SEMA5A: variants seen among roughly 807,000 people sequenced by gnomAD.
SEMA5A encodes the protein semaphorin 5A, also known as semaphorin-5A.
A neutral mutation model predicts 135.5 loss-of-function variants in SEMA5A; 55 were observed. The observed-to-expected ratio is 0.41, with a 90% CI of 0.33 to 0.51. SEMA5A has a LOEUF of 0.51. SEMA5A is among the 20% of genes least tolerant of loss of function. The pLI, the probability that SEMA5A is intolerant of heterozygous loss-of-function variation, is 0.37. For missense variants in SEMA5A, 1,290 were observed against 1,419.9 expected (o/e 0.91, Z 1.47); for synonymous variants, 580 against 546.5 (o/e 1.06, Z -0.85).
At chr5:9,311,486 C>T (rs894871211) in intron 5 of SEMA5A, among the ~76,000 whole-genome samples, 1 of 150,716 alleles carries the variant, frequency 6.6e-6, no homozygotes, top group African/African-American at 2.4e-5. Context: ...AGTAAACTAT[C>T]GCAAGGACAA....
chr5:9,228,192 T>G (rs1275024815), intron 6 of SEMA5A, among the ~76,000 whole-genome samples: 1 of 152,132 alleles, frequency 6.6e-6, no homozygotes, highest in African/African-American at 2.4e-5. Context: ...CACAGAGGAA[T>G]AGCATATTAC....
chr5:9,247,304 C>G (rs1435656286), intron 5 of SEMA5A, among the ~76,000 whole-genome samples: 1 of 152,120 alleles, frequency 6.6e-6, no homozygotes, highest in Non-Finnish European at 1.5e-5. Flanking sequence ...ATTGTGTATT[C>G]TGGCCAAATC....
chr5:9,368,867 T>C (rs1755020747), intron 3 of SEMA5A, among the ~76,000 whole-genome samples: 1 of 152,258 alleles, frequency 6.6e-6, no homozygotes, highest in South Asian at 2.1e-4. Context: ...TACAAATCTT[T>C]CTGTAGACAT....
intron 1 of SEMA5A, among the ~76,000 whole-genome samples, chr5:9,514,536 T>C (rs552690284): frequency 5.2e-4 from 79 of 152,216 alleles, no homozygotes; most frequent in Non-Finnish European, 8.7e-4. Flanking sequence ...TGTAATAGTG[T>C]AGCATTTCCA....
intron 16 of SEMA5A, among the ~76,000 whole-genome samples, chr5:9,106,220 T>C (rs971631907): frequency 2.0e-5 from 3 of 152,238 alleles, no homozygotes; most frequent in African/African-American, 7.2e-5. Flanking sequence ...AATAGTCTCT[T>C]TGGAGACATA....
chr5:9,067,753 G>T (rs1017078048), intron 16 of SEMA5A, among the ~76,000 whole-genome samples: 2 of 152,056 alleles, frequency 1.3e-5, no homozygotes, highest in African/African-American at 4.8e-5. Context: ...TTCATTTCAT[G>T]CTCTCCCTCC....
intron 2 of SEMA5A, among the ~76,000 whole-genome samples, chr5:9,386,691 C>A (rs1056995694): frequency 6.6e-6 from 1 of 152,226 alleles, no homozygotes; most frequent in South Asian, 2.1e-4. Context: ...ACTGCTTCCA[C>A]GTGAAAGGTT....
chr5:9,144,904 T>C (rs572907748), intron 12 of SEMA5A, among the ~76,000 whole-genome samples: 4 of 152,306 alleles, frequency 2.6e-5, no homozygotes, highest in Non-Finnish European at 5.9e-5. Flanking sequence ...ATGAAGTTGT[T>C]TGAAGGCAGA....
intron 11 of SEMA5A, among the ~76,000 whole-genome samples, chr5:9,177,886 G>A (rs953401716): frequency 2.0e-5 from 3 of 152,180 alleles, no homozygotes; most frequent in Non-Finnish European, 2.9e-5. Flanking sequence ...ATTAGCTTTC[G>A]AAGACTTAAT....
intron 5 of SEMA5A, among the ~76,000 whole-genome samples, chr5:9,245,609 G>A (rs1748443079): frequency 6.6e-6 from 1 of 152,100 alleles, no homozygotes; most frequent in Non-Finnish European, 1.5e-5. Context: ...TGAAATGACA[G>A]CGGACACCTT....
intron 12 of SEMA5A, 35 bp downstream of exon 12, chr5:9,154,453 C>T: frequency 6.2e-7 from 1 of 1,605,866 alleles, no homozygotes; most frequent in South Asian, 1.1e-5. Context: ...CCTTCACACA[C>T]ACACCAGTGC....
intron 5 of SEMA5A, among the ~76,000 whole-genome samples, chr5:9,278,282 G>A (rs1047243682): frequency 3.9e-5 from 6 of 152,104 alleles, no homozygotes; most frequent in African/African-American, 1.4e-4. Flanking sequence ...AGATTACTTA[G>A]GGTATCTGGT....
intron 15 of SEMA5A, among the ~76,000 whole-genome samples, chr5:9,116,249 T>G (rs538284746): frequency 3.3e-5 from 5 of 152,272 alleles, no homozygotes; most frequent in African/African-American, 1.2e-4. Flanking sequence ...AAACGTGTGT[T>G]GTTTTGAGCC....
chr5:9,111,122 T>C (rs1579413318), intron 15 of SEMA5A, among the ~76,000 whole-genome samples: 1 of 152,180 alleles, frequency 6.6e-6, no homozygotes, highest in Non-Finnish European at 1.5e-5. Context: ...ACTCAGAATA[T>C]CAGAACTCTC....
chr5:9,158,089 T>C (rs1026538542), intron 11 of SEMA5A, among the ~76,000 whole-genome samples: 3 of 152,216 alleles, frequency 2.0e-5, no homozygotes, highest in Non-Finnish European at 4.4e-5. Flanking sequence ...AGATGTTTCA[T>C]GAATATATTC....
chr5:9,108,396 G>T, intron 15 of SEMA5A, 109 bp from the exon 16 acceptor site: 1 of 1,249,540 alleles, frequency 8.0e-7, no homozygotes, highest in Non-Finnish European at 1.1e-6. Flanking sequence ...GGCATGCTCT[G>T]CGTGGAGGAG....
intron 11 of SEMA5A, among the ~76,000 whole-genome samples, chr5:9,168,069 G>A (rs1057334031): frequency 1.3e-5 from 2 of 152,098 alleles, no homozygotes; most frequent in Non-Finnish European, 2.9e-5. Context: ...CCCTCTCACT[G>A]CCCACTCCAC....
At chr5:9,063,620 A>G (rs1737302263) in intron 17 of SEMA5A, among the ~76,000 whole-genome samples, 1 of 152,226 alleles carries the variant, frequency 6.6e-6, no homozygotes, top group Non-Finnish European at 1.5e-5. Context: ...CTGCTTCTGG[A>G]TCACAGGCCT....
intron 21 of SEMA5A, among the ~76,000 whole-genome samples, chr5:9,048,866 T>A (rs1004469772): frequency 2.6e-5 from 4 of 152,220 alleles, no homozygotes; most frequent in African/African-American, 9.6e-5. Context: ...CATATTCATC[T>A]TGTAGTTGGA....
Sources: allele counts gnomAD v4.1 joint callset (sites outside exome capture counted in the v4.1 genomes callset), GRCh38; gene constraint gnomAD v4.1.1; transcripts MANE v1.5; gene names NCBI Gene and HGNC (gene_info 2026-07-23, HGNC 2026-07-21).